KIAA1328: variants seen among roughly 807,000 people sequenced by gnomAD.
KIAA1328 encodes the protein KIAA1328, also known as protein hinderin.
KIAA1328 carries 52 observed loss-of-function variants against 68.1 expected under a neutral mutation model. The observed-to-expected ratio is 0.76, with a 90% CI of 0.61 to 0.96. The LOEUF (loss-of-function observed/expected upper bound fraction) is 0.96, where lower values mean the gene tolerates loss of function less well. Ranked by LOEUF, KIAA1328 falls within the 40% of genes least tolerant of loss-of-function variation. The pLI is 0.00. For synonymous variants in KIAA1328, 232 were observed against 239.4 expected (o/e 0.97, Z 0.28); for missense variants, 641 against 677.6 (o/e 0.95, Z 0.60).
intron 6 of KIAA1328, among the ~76,000 whole-genome samples, chr18:37,005,291 A>G (rs1250014977): frequency 6.6e-6 from 1 of 152,142 alleles, no homozygotes; most frequent in African/African-American, 2.4e-5. Context: ...GGCAAAGGAC[A>G]TGAGTATACA....
At chr18:36,910,735 T>G (rs930522897) in intron 5 of KIAA1328, among the ~76,000 whole-genome samples, 1 of 152,190 alleles carries the variant, frequency 6.6e-6, no homozygotes, top group Non-Finnish European at 1.5e-5. Context: ...TTTCATGATA[T>G]TGATTCTTCC....
rs531932502 is a variant in KIAA1328 at position 37,044,296 on chromosome 18, A to AT, written c.577-22587dup. ...TCCTGGAATTATGGGGAATGCAGAC[A>AT]TTTTTTTCAAGAACAGTAACTATGG... On this transcript the variant is annotated intron_variant, in intron 6 of 9. Coordinates refer to ENST00000280020, the MANE Select transcript of KIAA1328 (RefSeq NM_020776.3). Among the ~76,000 whole-genome samples the AT allele has an allele frequency of 1.1e-3, 173 of 152,022 alleles. 2 individuals are homozygous for AT. Among genetic ancestry groups the AT allele is most frequent in the African/African-American group, 4.0e-3 (166 of 41,458 alleles).
At chr18:37,003,841 G>A (rs1448425370) in intron 6 of KIAA1328, among the ~76,000 whole-genome samples, 2 of 151,950 alleles carry the variant, frequency 1.3e-5, no homozygotes, top group South Asian at 2.1e-4. Context: ...AGTTGGATAC[G>A]GTGTTCTTTC....
chr18:36,888,042 A>T (rs2048559107), intron 5 of KIAA1328, among the ~76,000 whole-genome samples: 1 of 152,182 alleles, frequency 6.6e-6, no homozygotes, highest in African/African-American at 2.4e-5. Flanking sequence ...GTCAAGATTA[A>T]TTCTATTCAG....
chr18:36,851,960 C>A (rs2047225799), intron 4 of KIAA1328, among the ~76,000 whole-genome samples: 1 of 152,116 alleles, frequency 6.6e-6, no homozygotes. Context: ...TGCTGCATCC[C>A]ACAGTTTTGG....
intron 9 of KIAA1328, among the ~76,000 whole-genome samples, chr18:37,217,830 C>T (rs2060476135): frequency 3.9e-5 from 6 of 152,326 alleles, no homozygotes; most frequent in Admixed American, 3.9e-4. Flanking sequence ...TTGGTCTTTT[C>T]ACATAGTCTC....
At chr18:37,153,306 C>T (rs902157853) in intron 7 of KIAA1328, among the ~76,000 whole-genome samples, 7 of 152,226 alleles carry the variant, frequency 4.6e-5, no homozygotes, top group African/African-American at 1.4e-4. Flanking sequence ...TGTGTGTCTG[C>T]GTCATTGATT....
rs1208096983 is a variant in KIAA1328, at chr18:37,224,039, C to T, written c.*1812C>T. ...AAAAGCCTTTGGAGTGTGGAGCTTT[C>T]TGTGGTATGGCAGAAATGGGTGGAT... On this transcript the variant is annotated 3_prime_UTR_variant, in exon 10 of 10. Transcript: ENST00000280020. 1 of 985,232 alleles carries T rather than the reference C, an allele frequency of 1.0e-6. No individual in the cohort carries two copies. Among genetic ancestry groups the T allele is most frequent in the Non-Finnish European group, 1.2e-6 (1 of 829,924 alleles). 61.0% of individuals were successfully genotyped at this position (985,232 alleles called of 1,614,324 possible).
At chr18:37,219,742 C>T (rs113492612) in intron 9 of KIAA1328, among the ~76,000 whole-genome samples, 16,235 of 152,190 alleles carry the variant, frequency 0.11, 1,093 homozygotes, top group Non-Finnish European at 0.13. Context: ...TCATGGCTTC[C>T]CTTGGCTAGG....
intron 6 of KIAA1328, among the ~76,000 whole-genome samples, chr18:37,035,855 C>T (rs2055005519): frequency 6.6e-6 from 1 of 152,184 alleles, no homozygotes. Context: ...TAAAGTGAGA[C>T]ATTTTATCAA....
intron 7 of KIAA1328, among the ~76,000 whole-genome samples, chr18:37,076,907 A>G (rs1195797320): frequency 6.6e-6 from 1 of 152,204 alleles, no homozygotes; most frequent in African/African-American, 2.4e-5. Flanking sequence ...CCAGAGATAC[A>G]AGGAGGAACT....
intron 7 of KIAA1328, among the ~76,000 whole-genome samples, chr18:37,118,578 C>T (rs1014378583): frequency 4.6e-5 from 7 of 152,124 alleles, no homozygotes; most frequent in African/African-American, 1.4e-4. Context: ...ATCAGTCACC[C>T]TAGCAGTATA....
At chr18:37,064,341 C>T (rs769225964) in intron 6 of KIAA1328, among the ~76,000 whole-genome samples, 4 of 152,076 alleles carry the variant, frequency 2.6e-5, no homozygotes, top group Non-Finnish European at 4.4e-5. Flanking sequence ...TGCTGTGTAT[C>T]TCTGTTAGTT....
rs147083157 is a variant in KIAA1328 at position 37,015,971 on chromosome 18, T to G, written c.577-50919T>G. 1.2e-3 allele frequency among the ~76,000 whole-genome samples: 189 copies of G among 152,292 alleles called. 2 individuals carry two copies. The South Asian group carries it at 0.037, about 30-fold the overall frequency. On this transcript the variant is annotated intron_variant, in intron 6 of 9. Transcript: ENST00000280020. ...GGAGAGAGAGTTTGACTTCTTTTCCTATTTGATTGCCTTCTATTTCTTTCT... is the reference window on the plus strand; with the variant it reads ...GGAGAGAGAGTTTGACTTCTTTTCCGATTTGATTGCCTTCTATTTCTTTCT...
downstream of KIAA1328, among the ~76,000 whole-genome samples, chr18:37,226,728 T>A (rs2154228051): frequency 6.6e-6 from 1 of 151,460 alleles, no homozygotes; most frequent in East Asian, 1.9e-4. Context: ...TTTTTTTTTT[T>A]TTTTTGTTAT....
At chr18:36,883,967 T>TATATATATATATATATATATATATAC (rs1429832565) in intron 4 of KIAA1328, among the ~76,000 whole-genome samples, 5 of 149,302 alleles carry the variant, frequency 3.3e-5, no homozygotes, top group African/African-American at 1.2e-4. Flanking sequence ...TATATATATA[T>TATATATATATATATATATATATATAC]ATACACACAC....
chr18:37,146,553 G>C (rs2154209025), intron 7 of KIAA1328, among the ~76,000 whole-genome samples: 1 of 152,300 alleles, frequency 6.6e-6, no homozygotes, highest in Non-Finnish European at 1.5e-5. Context: ...TGGCATGCAT[G>C]TGTCTTTATG....
chr18:36,944,638 T>C (rs1377288933), intron 5 of KIAA1328, among the ~76,000 whole-genome samples: 1 of 151,928 alleles, frequency 6.6e-6, no homozygotes, highest in Non-Finnish European at 1.5e-5. Flanking sequence ...TTGGACATTA[T>C]CTTAGGGAGT....
intron 6 of KIAA1328, among the ~76,000 whole-genome samples, chr18:37,012,062 A>G (rs1568289369): frequency 3.9e-5 from 6 of 152,242 alleles, no homozygotes. Flanking sequence ...ACAGGAAGGA[A>G]TGTAATACTT....
Sources: allele counts gnomAD v4.1 joint callset (sites outside exome capture counted in the v4.1 genomes callset), GRCh38; gene constraint gnomAD v4.1.1; transcripts MANE v1.5; gene names NCBI Gene and HGNC (gene_info 2026-07-23, HGNC 2026-07-21).